The following LHPP variants were observed in gnomAD, a reference collection of about 807,000 sequenced individuals.
The protein encoded by LHPP is phospholysine phosphohistidine inorganic pyrophosphate phosphatase.
Under a neutral mutation model 30.3 loss-of-function variants are expected in LHPP, and 24 were observed. That is an observed-to-expected ratio of 0.79 (90% confidence interval 0.57 to 1.11). LHPP has a LOEUF of 1.11. Ranked by LOEUF, LHPP falls within the 50% of genes most tolerant of loss-of-function variation. The probability of loss-of-function intolerance (pLI) is 0.00; values close to 1 mark genes in which losing one functional copy is unlikely to be tolerated. For synonymous variants in LHPP, 150 were observed against 157.1 expected (o/e 0.95, Z 0.34); for missense variants, 356 against 367.2 (o/e 0.97, Z 0.25).
intron 1 of LHPP, among the ~76,000 whole-genome samples, chr10:124,470,572 A>G (rs903911161): frequency 2.6e-5 from 4 of 151,910 alleles, no homozygotes; most frequent in Admixed American, 2.0e-4. Context: ...GCACCCCAGT[A>G]TCCCCTCCTT....
rs375760096 is a variant in LHPP at position 124,466,646 on chromosome 10, G to A, written c.125+4659G>A. 9.9e-5 allele frequency among the ~76,000 whole-genome samples: 15 copies of A among 151,814 alleles called. No homozygotes were observed. In the East Asian group the frequency reaches 2.0e-3, roughly 20 times the overall value. On this transcript the variant is annotated intron_variant, in intron 1 of 6. Transcript: ENST00000368842. ...TAATTTTTGTATTTTTAGTAGAGAT[G>A]GGGTTTTGCCACATTGGCCAGGCTG...
At chr10:124,603,011 G>A (rs1418739457) in intron 6 of LHPP, among the ~76,000 whole-genome samples, 2 of 152,096 alleles carry the variant, frequency 1.3e-5, no homozygotes, top group African/African-American at 4.8e-5. Context: ...GGACAGGGCA[G>A]GGTGGGGTGT....
intron 1 of LHPP, among the ~76,000 whole-genome samples, chr10:124,467,619 C>CA (rs1169859635): frequency 2.7e-5 from 4 of 148,930 alleles, no homozygotes; most frequent in South Asian, 2.1e-4. Context: ...CTCCTAGGCT[C>CA]AAAAAAATCT....
At chr10:124,522,855 G>A (rs538508646) in intron 6 of LHPP, among the ~76,000 whole-genome samples, 49 of 152,250 alleles carry the variant, frequency 3.2e-4, no homozygotes, top group African/African-American at 1.1e-3. Context: ...GGGAAGGGAC[G>A]TTTTGCCCAG....
At chr10:124,535,036 C>G (rs1289502486) in intron 6 of LHPP, among the ~76,000 whole-genome samples, 1 of 152,184 alleles carries the variant, frequency 6.6e-6, no homozygotes, top group Non-Finnish European at 1.5e-5. Context: ...TGAAACCTCT[C>G]TCGATTGTGT....
intron 1 of LHPP, among the ~76,000 whole-genome samples, chr10:124,470,579 C>T (rs1294049119): frequency 2.6e-5 from 4 of 152,038 alleles, no homozygotes; most frequent in African/African-American, 7.2e-5. Flanking sequence ...AGTATCCCCT[C>T]CTTCATGCCC....
rs116228434 is a variant in LHPP at position 124,537,247 on chromosome 10, G to T, written c.716+19976G>T. 8.1e-3 allele frequency among the ~76,000 whole-genome samples: 1,234 copies of T among 152,334 alleles called. 17 individuals are homozygous for T. Among genetic ancestry groups the T allele is most frequent in the African/African-American group, 0.027 (1,112 of 41,578 alleles). ...TCCCTGCTTCCCCAGCCACCGTCCA[G>T]CTACCTCGAGAGATCCTGGGAGCAT... On this transcript the variant is annotated intron_variant, in intron 6 of 6. Transcript: ENST00000368842.
chr10:124,566,020 C>T (rs548614347), intron 6 of LHPP, among the ~76,000 whole-genome samples: 42 of 152,370 alleles, frequency 2.8e-4, no homozygotes, highest in South Asian at 2.1e-3. Flanking sequence ...TCGCCGTACC[C>T]CTGGGTGGCC....
rs796627486 is a variant in LHPP at position 124,572,632 on chromosome 10, A to G, written c.717-40632A>G. 6.1e-4 allele frequency among the ~76,000 whole-genome samples: 62 copies of G among 101,326 alleles called. 1 individual carries two copies. The highest frequency in any genetic ancestry group is 2.2e-3 in the African/African-American group (59 of 26,692). 66.5% of individuals were successfully genotyped at this position (101,326 alleles called of 152,430 possible). ...GGCGACAGAGCGAGACTCCATCTCA[A>G]AAAAAGAAAGAAAGTAAGAAAGGAA... On this transcript the variant is annotated intron_variant, in intron 6 of 6. Coordinates refer to ENST00000368842, the MANE Select transcript of LHPP (RefSeq NM_022126.4).
At chr10:124,548,645 C>A (rs1589854224) in intron 6 of LHPP, among the ~76,000 whole-genome samples, 1 of 152,214 alleles carries the variant, frequency 6.6e-6, no homozygotes, top group South Asian at 2.1e-4. Flanking sequence ...TGATGCTGCT[C>A]ACTGAGCAGG....
chr10:124,559,396 G>A (rs1189622222), intron 6 of LHPP, among the ~76,000 whole-genome samples: 1 of 152,228 alleles, frequency 6.6e-6, no homozygotes, highest in Non-Finnish European at 1.5e-5. Flanking sequence ...ACCTGCCCCT[G>A]TGGTGTATAC....
rs1948888514 is a variant in LHPP at position 124,592,155 on chromosome 10, G to C, written c.717-21109G>C. ...GTATAAAGCCCCATTTGCTGGCACA[G>C]TGTGGTCTGGCCTGTGACTAGGTGA... On this transcript the variant is annotated intron_variant, in intron 6 of 6. Coordinates refer to ENST00000368842, the MANE Select transcript of LHPP (RefSeq NM_022126.4). This position sits in a 1 kb window ranked among gnomAD's most constrained non-coding sequence, Gnocchi z 6.2. Among the ~76,000 whole-genome samples the C allele has an allele frequency of 6.6e-6, 1 of 152,232 alleles. No individual in the cohort carries two copies. Among genetic ancestry groups the C allele is most frequent in the Admixed American group, 6.5e-5 (1 of 15,288 alleles).
At chr10:124,520,060 C>T (rs1461214183) in intron 6 of LHPP, among the ~76,000 whole-genome samples, 1 of 152,040 alleles carries the variant, frequency 6.6e-6, no homozygotes, top group Non-Finnish European at 1.5e-5. Flanking sequence ...GTCTCGATCT[C>T]CTGACCCCGT....
chr10:124,606,478 G>A (rs1949094183), intron 6 of LHPP, among the ~76,000 whole-genome samples: 1 of 103,384 alleles, frequency 9.7e-6, no homozygotes, highest in Non-Finnish European at 2.0e-5. Context: ...GAGGGCAGAT[G>A]GTGGAGGTGG....
intron 6 of LHPP, among the ~76,000 whole-genome samples, chr10:124,562,322 C>CAAAA (rs1187319428): frequency 2.6e-5 from 4 of 151,532 alleles, no homozygotes; most frequent in Non-Finnish European, 4.4e-5. Context: ...AACAAACAAA[C>CAAAA]AAACAAATAA....
chr10:124,507,260 G>A (rs1954146787), intron 5 of LHPP, among the ~76,000 whole-genome samples: 1 of 90,498 alleles, frequency 1.1e-5, no homozygotes, highest in Non-Finnish European at 2.1e-5. Flanking sequence ...CAGGTCGGGG[G>A]GGTAGACAGG....
chr10:124,590,642 T>C lies in LHPP; in HGVS notation c.717-22622T>C, dbSNP rs888076600. Among the ~76,000 whole-genome samples the C allele has an allele frequency of 1.1e-4, 16 of 152,158 alleles. No homozygotes were observed. The highest frequency in any genetic ancestry group is 2.4e-4 in the Non-Finnish European group (16 of 68,018). ...CCCAGGACTCTCCCCACCCGCACAG[T>C]GTACCTGTCCCACAGTGGCACCAAC... On this transcript the variant is annotated intron_variant, in intron 6 of 6. Transcript: ENST00000368842. The surrounding 1 kb of genome is among the most constrained non-coding windows in gnomAD (Gnocchi z 4.3).
intron 6 of LHPP, among the ~76,000 whole-genome samples, chr10:124,535,696 C>T (rs1237528742): frequency 2.0e-5 from 3 of 152,230 alleles, no homozygotes; most frequent in East Asian, 1.9e-4. Context: ...TGGCGTGAGC[C>T]GCCATGCCTG....
intron 5 of LHPP, among the ~76,000 whole-genome samples, chr10:124,508,288 T>C (rs1174345392): frequency 6.6e-6 from 1 of 152,150 alleles, no homozygotes; most frequent in African/African-American, 2.4e-5. Context: ...ATTGTCAGTG[T>C]GGGGATGACC....
Sources: allele counts gnomAD v4.1 joint callset (sites outside exome capture counted in the v4.1 genomes callset), GRCh38; gene constraint gnomAD v4.1.1; non-coding constraint Gnocchi (gnomAD v3.1); transcripts MANE v1.5; gene names NCBI Gene and HGNC (gene_info 2026-07-23, HGNC 2026-07-21).